Variants in RPSA2 observed in about 807,000 individuals in gnomAD.
RPSA2 encodes the protein small ribosomal subunit protein uS2B.
chr19:23,784,506 G>T, the RPSA2 span, among the ~76,000 whole-genome samples: 4 of 152,246 alleles, frequency 2.6e-5, no homozygotes, highest in African/African-American at 7.2e-5. Flanking sequence ...CAGCCAATTA[G>T]AGAGATGTTG....
the RPSA2 span, among the ~76,000 whole-genome samples, chr19:23,830,918 C>G: frequency 6.6e-6 from 1 of 151,998 alleles, no homozygotes; most frequent in Non-Finnish European, 1.5e-5. Context: ...CTGGCATAGT[C>G]TGAAAACAAT....
chr19:23,804,657 AG>A, the RPSA2 span, among the ~76,000 whole-genome samples: 3,435 of 152,252 alleles, frequency 0.023, 55 homozygotes, highest in Non-Finnish European at 0.028. Context: ...CAGCACTGAC[AG>A]GGGACTTCTT....
the RPSA2 span, among the ~76,000 whole-genome samples, chr19:23,782,922 A>T: frequency 6.6e-6 from 1 of 151,810 alleles, no homozygotes; most frequent in Non-Finnish European, 1.5e-5. Flanking sequence ...CCATCCCCTC[A>T]GGGGTATTGT....
At chr19:23,830,827 T>C in the RPSA2 span, among the ~76,000 whole-genome samples, 1 of 152,136 alleles carries the variant, frequency 6.6e-6, no homozygotes, top group Non-Finnish European at 1.5e-5. Context: ...CATATTGCCC[T>C]ATTTTGTATA....
the RPSA2 span, among the ~76,000 whole-genome samples, chr19:23,816,415 T>C: frequency 9.9e-5 from 15 of 152,174 alleles, no homozygotes; most frequent in African/African-American, 3.4e-4. Flanking sequence ...AGATTACATT[T>C]CTTTTTATTA....
At chr19:23,863,033 G>A in the RPSA2 span, among the ~76,000 whole-genome samples, 3 of 151,932 alleles carry the variant, frequency 2.0e-5, no homozygotes, top group Non-Finnish European at 4.4e-5. Context: ...AAATAATTAG[G>A]ATCCTGGTAG....
chr19:23,804,294 C>CTTTTTTT, the RPSA2 span, among the ~76,000 whole-genome samples: 1 of 142,508 alleles, frequency 7.0e-6, no homozygotes, highest in Non-Finnish European at 1.5e-5. Context: ...CCTCATTTTT[C>CTTTTTTT]TTTTTCTTTT....
the RPSA2 span, among the ~76,000 whole-genome samples, chr19:23,836,191 T>G: frequency 6.6e-6 from 1 of 152,272 alleles, no homozygotes; most frequent in African/African-American, 2.4e-5. Flanking sequence ...TGTATTATTC[T>G]TATACCTTTC....
the RPSA2 span, among the ~76,000 whole-genome samples, chr19:23,857,435 C>T: frequency 6.6e-6 from 1 of 151,470 alleles, no homozygotes; most frequent in African/African-American, 2.4e-5. Flanking sequence ...TGACTTCCCG[C>T]AACATCTTTG....
the RPSA2 span, among the ~76,000 whole-genome samples, chr19:23,761,930 T>TCCTTCCTTCCTTCCTTCCTTCCCTCCTTC: frequency 7.9e-6 from 1 of 127,366 alleles, no homozygotes; most frequent in African/African-American, 3.1e-5. Flanking sequence ...CTTTTTTTTT[T>TCCTTCCTTCCTTCCTTCCTTCCCTCCTTC]TTTTTGAGAT....
the RPSA2 span, among the ~76,000 whole-genome samples, chr19:23,828,286 G>C: frequency 4.2e-5 from 6 of 141,726 alleles, no homozygotes; most frequent in East Asian, 2.2e-4. Flanking sequence ...AATGTGTTTT[G>C]AATCAGGCAC....
At chr19:23,832,709 A>G in the RPSA2 span, 32 of 1,519,294 alleles carry the variant, frequency 2.1e-5, no homozygotes, top group East Asian at 7.6e-4. Flanking sequence ...CACACTGGAG[A>G]GAAACCCTAC....
the RPSA2 span, among the ~76,000 whole-genome samples, chr19:23,798,257 G>T: frequency 6.6e-6 from 1 of 152,004 alleles, no homozygotes; most frequent in African/African-American, 2.4e-5. Context: ...GAATTATAAG[G>T]ACTAAAAGAT....
chr19:23,827,237 G>C, the RPSA2 span: 1 of 803,608 alleles, frequency 1.2e-6, no homozygotes, highest in Non-Finnish European at 2.1e-6. Context: ...AACCCACTTA[G>C]GTGGCACCAA....
At chr19:23,830,005 A>G in the RPSA2 span, among the ~76,000 whole-genome samples, 3 of 150,908 alleles carry the variant, frequency 2.0e-5, no homozygotes, top group Admixed American at 2.0e-4. Flanking sequence ...TATGTAGGGC[A>G]TATGCAGTTC....
chr19:23,851,884 C>A, the RPSA2 span, among the ~76,000 whole-genome samples: 1 of 152,116 alleles, frequency 6.6e-6, no homozygotes, highest in Non-Finnish European at 1.5e-5. Flanking sequence ...GTGAATTTTC[C>A]ACAGTATGGA....
At chr19:23,846,034 T>G in the RPSA2 span, among the ~76,000 whole-genome samples, 1 of 152,210 alleles carries the variant, frequency 6.6e-6, no homozygotes, top group African/African-American at 2.4e-5. Context: ...TATTATTGTG[T>G]TACCTATAGA....
chr19:23,824,580 CTTTTTT>C, the RPSA2 span, among the ~76,000 whole-genome samples: 16 of 63,824 alleles, frequency 2.5e-4, 2 homozygotes, highest in Admixed American at 3.7e-3. Context: ...TATAGCATTT[CTTTTTT>C]TTTTTTTTTT....
the RPSA2 span, among the ~76,000 whole-genome samples, chr19:23,865,552 A>G: frequency 6.6e-6 from 1 of 152,176 alleles, no homozygotes; most frequent in Non-Finnish European, 1.5e-5. Context: ...AGTCTCAAGA[A>G]TTAAAAAACT....
Sources: allele counts gnomAD v4.1 joint callset (sites outside exome capture counted in the v4.1 genomes callset), GRCh38; gene constraint gnomAD v4.1.1; transcripts MANE v1.5; gene names NCBI Gene and HGNC (gene_info 2026-07-23, HGNC 2026-07-21).